Variants in MARK1 observed in about 807,000 individuals in gnomAD.
MARK1 encodes the protein microtubule affinity regulating kinase 1.
A neutral mutation model predicts 96.3 loss-of-function variants in MARK1; 40 were observed. The ratio of observed to expected loss-of-function variants is 0.42; its 90% confidence interval spans 0.32 to 0.54. The LOEUF (loss-of-function observed/expected upper bound fraction) is 0.54. MARK1 is among the 20% of genes least tolerant of loss of function. The pLI, the probability that MARK1 is intolerant of heterozygous loss-of-function variation, is 0.16. For synonymous variants in MARK1, 317 were observed against 341.2 expected (o/e 0.93, Z 0.78); for missense variants, 719 against 984.6 (o/e 0.73, Z 3.61).
chr1:220,592,225 A>ATATTT (rs1395958441), intron 3 of MARK1, among the ~76,000 whole-genome samples: 2 of 51,112 alleles, frequency 3.9e-5, no homozygotes, highest in Non-Finnish European at 8.3e-5. Flanking sequence ...ATATCATATT[A>ATATTT]TATTATATTA....
chr1:220,566,322 T>C (rs1663055338), intron 1 of MARK1, among the ~76,000 whole-genome samples: 1 of 152,166 alleles, frequency 6.6e-6, no homozygotes. Flanking sequence ...AACCACCATT[T>C]AAGGCATAAA....
intron 1 of MARK1, among the ~76,000 whole-genome samples, chr1:220,572,876 A>T (rs1207691063): frequency 1.3e-5 from 2 of 152,168 alleles, no homozygotes; most frequent in African/African-American, 4.8e-5. Context: ...TAATCTAAAA[A>T]TGTCTTTTTT....
chr1:220,660,822 C>G (rs998407679), intron 17 of MARK1, among the ~76,000 whole-genome samples: 2 of 152,054 alleles, frequency 1.3e-5, no homozygotes, highest in Non-Finnish European at 2.9e-5. Context: ...GTTCTAGATG[C>G]CCGAGATATA....
At chr1:220,631,702 G>A (rs576966007) in intron 10 of MARK1, among the ~76,000 whole-genome samples, 1 of 152,194 alleles carries the variant, frequency 6.6e-6, no homozygotes, top group East Asian at 1.9e-4. Context: ...TCTGGCTTGA[G>A]GGCAGAGTGG....
chr1:220,534,914 CTGTT>C (rs769340783), intron 1 of MARK1, among the ~76,000 whole-genome samples: 3 of 151,976 alleles, frequency 2.0e-5, no homozygotes, highest in Non-Finnish European at 2.9e-5. Context: ...TTTTGTTTAT[CTGTT>C]TATCTGCGGG....
intron 5 of MARK1, among the ~76,000 whole-genome samples, chr1:220,602,007 T>A (rs904678329): frequency 6.6e-6 from 1 of 152,228 alleles, no homozygotes; most frequent in African/African-American, 2.4e-5. Context: ...AAATCTAGAA[T>A]GATTTTCTTG....
intron 17 of MARK1, among the ~76,000 whole-genome samples, chr1:220,661,072 A>G (rs1002211687): frequency 6.6e-6 from 1 of 152,246 alleles, no homozygotes; most frequent in African/African-American, 2.4e-5. Context: ...AGAAGCATTC[A>G]TGACAGAGGG....
intron 9 of MARK1, among the ~76,000 whole-genome samples, chr1:220,623,220 C>A (rs3767321): frequency 0.58 from 87,593 of 151,768 alleles, 26,652 homozygotes; most frequent in Non-Finnish European, 0.68. Flanking sequence ...CTCCTGTCAC[C>A]CAGTACCTCC....
chr1:220,613,993 G>T (rs1666598671), intron 6 of MARK1, among the ~76,000 whole-genome samples: 1 of 151,846 alleles, frequency 6.6e-6, no homozygotes, highest in African/African-American at 2.4e-5. Flanking sequence ...TGTTTGGTCG[G>T]TTGGTCTGTT....
intron 6 of MARK1, among the ~76,000 whole-genome samples, chr1:220,605,822 C>T (rs1666039641): frequency 2.0e-5 from 3 of 152,078 alleles, no homozygotes; most frequent in African/African-American, 7.2e-5. Flanking sequence ...GCTTTATCCA[C>T]GTCCCTGCAA....
At chr1:220,553,285 C>T (rs1662000900) in intron 1 of MARK1, among the ~76,000 whole-genome samples, 1 of 152,218 alleles carries the variant, frequency 6.6e-6, no homozygotes, top group Non-Finnish European at 1.5e-5. Flanking sequence ...CAACCAGGTA[C>T]ACTGCTCAAA....
chr1:220,600,892 C>CTTTT (rs11417176), intron 5 of MARK1, among the ~76,000 whole-genome samples: 1 of 144,258 alleles, frequency 6.9e-6, no homozygotes, highest in Non-Finnish European at 1.5e-5. Context: ...TTTTCTTTTT[C>CTTTT]TTTTTTTTTT....
In MARK1 at chr1:220,653,834, T is replaced by TAAA. The variant is rs1297864126; in HGVS notation, c.1988+483_1988+485dup. On this transcript the variant is annotated intron_variant, in intron 16 of 17. Coordinates refer to ENST00000366917, the MANE Select transcript of MARK1 (RefSeq NM_018650.5). ...ATAAAACCTTATCATCAAAACATAGTAAACACAAAATGAATACATGTATAG... is the reference window on the plus strand; with the variant it reads ...ATAAAACCTTATCATCAAAACATAGTAAAAAACACAAAATGAATACATGTATAG... Among the ~76,000 whole-genome samples, 1,452 of 152,292 alleles carry TAAA rather than the reference T, an allele frequency of 9.5e-3. 26 individuals carry two copies. Among genetic ancestry groups the TAAA allele is most frequent in the African/African-American group, 0.033 (1,365 of 41,562 alleles).
intron 9 of MARK1, among the ~76,000 whole-genome samples, chr1:220,622,760 C>G (rs1667113961): frequency 6.6e-6 from 1 of 152,104 alleles, no homozygotes; most frequent in Admixed American, 6.5e-5. Flanking sequence ...GTCACACATC[C>G]TGTAGTCCTA....
chr1:220,587,381 T>C (rs188098761), intron 3 of MARK1, among the ~76,000 whole-genome samples: 1 of 151,716 alleles, frequency 6.6e-6, no homozygotes, highest in Admixed American at 6.6e-5. Context: ...CTTTCTTTCT[T>C]TTTTTGGACG....
intron 13 of MARK1, among the ~76,000 whole-genome samples, chr1:220,637,146 GCATT>G (rs902494557): frequency 2.0e-5 from 3 of 152,162 alleles, no homozygotes; most frequent in Non-Finnish European, 4.4e-5. Context: ...GTTGGAGGAA[GCATT>G]CTTACGGGAA....
chr1:220,641,972 A>C (rs1668296281), intron 13 of MARK1, among the ~76,000 whole-genome samples: 1 of 152,182 alleles, frequency 6.6e-6, no homozygotes, highest in Non-Finnish European at 1.5e-5. Flanking sequence ...CCAAGCACAA[A>C]ACTGGGCAGA....
chr1:220,552,297 T>A (rs1291247789), intron 1 of MARK1, among the ~76,000 whole-genome samples: 1 of 152,172 alleles, frequency 6.6e-6, no homozygotes, highest in Non-Finnish European at 1.5e-5. Context: ...TACTAATGGA[T>A]CACTAAGGAT....
At chr1:220,638,663 T>A (rs2103023190) in intron 13 of MARK1, among the ~76,000 whole-genome samples, 1 of 152,296 alleles carries the variant, frequency 6.6e-6, no homozygotes, top group Non-Finnish European at 1.5e-5. Flanking sequence ...AAATTAAATA[T>A]GTCACACTTA....
Sources: gnomAD v4.1 joint callset for allele counts (sites outside exome capture counted in the v4.1 genomes callset) on GRCh38, gnomAD v4.1.1 for gene constraint, MANE v1.5 for transcripts, NCBI Gene and HGNC (gene_info 2026-07-23, HGNC 2026-07-21) for gene names.